ANKS1B: variants seen among roughly 807,000 people sequenced by gnomAD.
ANKS1B encodes the protein ankyrin repeat and sterile alpha motif domain-containing protein 1B.
A neutral mutation model predicts 148.3 loss-of-function variants in ANKS1B; 36 were observed. The observed-to-expected ratio is 0.24, with a 90% CI of 0.19 to 0.32. The LOEUF is 0.32. Ranked by LOEUF, ANKS1B falls within the 10% of genes least tolerant of loss-of-function variation. The pLI, the probability that ANKS1B is intolerant of heterozygous loss-of-function variation, is 1.00. For synonymous variants in ANKS1B, 542 were observed against 560.8 expected (o/e 0.97, Z 0.47); for missense variants, 1,157 against 1,542.6 (o/e 0.75, Z 4.19).
chr12:99,120,082 C>T (rs2062375807), intron 15 of ANKS1B, among the ~76,000 whole-genome samples: 2 of 152,222 alleles, frequency 1.3e-5, no homozygotes, highest in African/African-American at 2.4e-5. Flanking sequence ...CAGGTGGGAA[C>T]GCACCCTGGA....
chr12:98,915,635 G>C (rs2099793321), intron 17 of ANKS1B, among the ~76,000 whole-genome samples: 1 of 152,192 alleles, frequency 6.6e-6, no homozygotes, highest in South Asian at 2.1e-4. Context: ...TTACAGGCAT[G>C]AGCCATCGTG....
chr12:99,268,530 A>T (rs2076692603), intron 12 of ANKS1B, among the ~76,000 whole-genome samples: 1 of 152,176 alleles, frequency 6.6e-6, no homozygotes, highest in Non-Finnish European at 1.5e-5. Context: ...GGGCCACAAC[A>T]CAGAGTTCAC....
At chr12:99,625,487 A>C (rs2098103196) in intron 9 of ANKS1B, among the ~76,000 whole-genome samples, 1 of 152,194 alleles carries the variant, frequency 6.6e-6, no homozygotes, top group Admixed American at 6.6e-5. Flanking sequence ...CCTAGAATGC[A>C]AAATTTATAT....
chr12:99,215,646 C>A (rs1029977692), intron 14 of ANKS1B, among the ~76,000 whole-genome samples: 21 of 152,232 alleles, frequency 1.4e-4, no homozygotes, highest in African/African-American at 5.1e-4. Flanking sequence ...TTAATGACCG[C>A]CCTATTGGAT....
chr12:98,865,806 C>T (rs953042409), intron 17 of ANKS1B, among the ~76,000 whole-genome samples: 1 of 152,068 alleles, frequency 6.6e-6, no homozygotes, highest in Non-Finnish European at 1.5e-5. Flanking sequence ...TATAGAGGGC[C>T]TGTCTTAATC....
intron 8 of ANKS1B, among the ~76,000 whole-genome samples, chr12:99,755,708 A>G (rs1434635684): frequency 3.3e-5 from 5 of 152,114 alleles, no homozygotes; most frequent in African/African-American, 1.2e-4. Context: ...AACATACACA[A>G]GTCAATAAAT....
At chr12:99,781,152 G>C (rs2153633026) in intron 5 of ANKS1B, among the ~76,000 whole-genome samples, 1 of 151,296 alleles carries the variant, frequency 6.6e-6, no homozygotes, top group South Asian at 2.1e-4. Context: ...AATTTGCATA[G>C]GAATGTGTAA....
chr12:99,459,107 A>G (rs1157612028), intron 10 of ANKS1B, among the ~76,000 whole-genome samples: 1 of 152,160 alleles, frequency 6.6e-6, no homozygotes, highest in Non-Finnish European at 1.5e-5. Context: ...ATGGTTTAAC[A>G]TTCACAAATC....
At chr12:99,812,437 T>C (rs1231223227) in intron 2 of ANKS1B, 126 bp from the exon 3 acceptor site, 19 of 1,116,634 alleles carry the variant, frequency 1.7e-5, no homozygotes, top group Middle Eastern at 5.3e-4. Flanking sequence ...TACTAAGATA[T>C]AAAGTTGGGT....
chr12:99,850,281 G>GTCTCTCCCTCCCTCTCTCTCTC (rs57015094), intron 1 of ANKS1B, among the ~76,000 whole-genome samples: 1 of 114,206 alleles, frequency 8.8e-6, no homozygotes, highest in African/African-American at 3.6e-5. Context: ...AAGCAAGAAA[G>GTCTCTCCCTCCCTCTCTCTCTC]TCTCTCTCTC....
chr12:99,825,258 C>A (rs555785937), intron 2 of ANKS1B, 51 bp downstream of exon 2: 26 of 1,456,394 alleles, frequency 1.8e-5, no homozygotes, highest in Non-Finnish European at 2.3e-5. Context: ...TAATTAACTT[C>A]ATCACATGTA....
intron 9 of ANKS1B, chr12:99,648,414 C>T (rs147841911): frequency 6.2e-7 from 1 of 1,614,190 alleles, no homozygotes; most frequent in East Asian, 2.2e-5. Flanking sequence ...GCCCCTGCCT[C>T]ACACTACCTG....
chr12:99,254,308 A>T (rs1056678664), intron 12 of ANKS1B, among the ~76,000 whole-genome samples: 3 of 152,218 alleles, frequency 2.0e-5, no homozygotes, highest in Non-Finnish European at 4.4e-5. Context: ...GGTCTCCAAG[A>T]TTATTTCAGA....
chr12:99,160,370 G>T (rs553711624), intron 14 of ANKS1B, among the ~76,000 whole-genome samples: 1 of 150,620 alleles, frequency 6.6e-6, no homozygotes, highest in African/African-American at 2.4e-5. Flanking sequence ...ATGGAGTCTT[G>T]CTCTGTCACC....
At chr12:99,403,468 C>G (rs907684171) in intron 11 of ANKS1B, among the ~76,000 whole-genome samples, 1 of 132,074 alleles carries the variant, frequency 7.6e-6, no homozygotes, top group Non-Finnish European at 1.6e-5. Context: ...CCAATGCCCA[C>G]TTTTTAATGG....
intron 15 of ANKS1B, among the ~76,000 whole-genome samples, chr12:99,103,613 C>T: frequency 6.6e-6 from 1 of 152,206 alleles, no homozygotes; most frequent in East Asian, 1.9e-4. Flanking sequence ...ATCAACCTAT[C>T]AATCGTCATG....
At chr12:99,636,144 T>C (rs912853603) in intron 9 of ANKS1B, among the ~76,000 whole-genome samples, 1 of 152,096 alleles carries the variant, frequency 6.6e-6, no homozygotes, top group African/African-American at 2.4e-5. Flanking sequence ...TTAAATATAT[T>C]TGATCTAGAA....
chr12:98,976,570 G>C (rs111703339), intron 17 of ANKS1B: 2 of 152,094 alleles, frequency 1.3e-5, no homozygotes, highest in Admixed American at 1.3e-4. Flanking sequence ...AGATCCCGAC[G>C]GTTTATACCC....
At chr12:99,586,389 G>A (rs531021760) in intron 9 of ANKS1B, among the ~76,000 whole-genome samples, 4 of 152,222 alleles carry the variant, frequency 2.6e-5, no homozygotes, top group African/African-American at 4.8e-5. Flanking sequence ...GGACCTTATT[G>A]TCCATATCAT....
Sources: allele counts gnomAD v4.1 joint callset (sites outside exome capture counted in the v4.1 genomes callset), GRCh38; gene constraint gnomAD v4.1.1; transcripts MANE v1.5; gene names NCBI Gene and HGNC (gene_info 2026-07-23, HGNC 2026-07-21).